Variants in KIAA1217 observed in about 807,000 individuals in gnomAD.
KIAA1217 encodes KIAA1217.
A neutral mutation model predicts 163.9 loss-of-function variants in KIAA1217; 88 were observed. The observed-to-expected ratio is 0.54, with a 90% confidence interval of 0.45 to 0.64. KIAA1217 has a LOEUF of 0.64. KIAA1217 is among the 30% of genes least tolerant of loss of function. The probability of loss-of-function intolerance (pLI) is 0.00; values close to 1 mark genes in which losing one functional copy is unlikely to be tolerated. For missense variants in KIAA1217, 2,372 were observed against 2,475.0 expected (o/e 0.96, Z 0.88); for synonymous variants, 903 against 923.1 (o/e 0.98, Z 0.39).
rs141462284 is a variant in KIAA1217 at position 24,416,198 on chromosome 10, G to A, written c.554-16797G>A. 7.2e-5 allele frequency among the ~76,000 whole-genome samples: 11 copies of A among 152,280 alleles called. No individual in the cohort carries two copies. The East Asian group carries it at 9.7e-4, about 13-fold the overall frequency. ...AACAGTAACAGGAAAACTTTAGAGCGTAAATGGTAACAAAAGTTGTTCCCC... is the reference window on the plus strand; with the variant it reads ...AACAGTAACAGGAAAACTTTAGAGCATAAATGGTAACAAAAGTTGTTCCCC... On this transcript the variant is annotated intron_variant, in intron 3 of 20. Coordinates refer to ENST00000376454, the MANE Select transcript of KIAA1217 (RefSeq NM_019590.5).
intron 2 of KIAA1217, among the ~76,000 whole-genome samples, chr10:24,123,374 C>T (rs900341295): frequency 9.9e-5 from 15 of 151,932 alleles, no homozygotes; most frequent in Non-Finnish European, 2.1e-4. Context: ...CATAAATAAT[C>T]CAAGGTTGAT....
intron 1 of KIAA1217, among the ~76,000 whole-genome samples, chr10:23,910,206 G>C (rs1450822690): frequency 6.6e-6 from 1 of 151,928 alleles, no homozygotes; most frequent in African/African-American, 2.4e-5. Flanking sequence ...TAGATGATGG[G>C]TTGATGGGTG....
At chr10:23,775,653 TAGTTG>T (rs1175119039) in intron 1 of KIAA1217, among the ~76,000 whole-genome samples, 1 of 152,254 alleles carries the variant, frequency 6.6e-6, no homozygotes, top group Non-Finnish European at 1.5e-5. Context: ...ATTGACTAAA[TAGTTG>T]AGTTAATTCA....
At chr10:24,355,418 C>A (rs571045955) in intron 2 of KIAA1217, among the ~76,000 whole-genome samples, 43 of 152,256 alleles carry the variant, frequency 2.8e-4, no homozygotes, top group African/African-American at 1.0e-3. Context: ...CTGGTGACAA[C>A]CCTCTTTCTA....
chr10:23,836,823 A>T (rs1838478243), intron 1 of KIAA1217, among the ~76,000 whole-genome samples: 1 of 151,696 alleles, frequency 6.6e-6, no homozygotes, highest in Non-Finnish European at 1.5e-5. Flanking sequence ...CCAGCTACTC[A>T]GGAGTCTGAG....
At chr10:23,961,838 GA>G (rs2131373966) in intron 1 of KIAA1217, among the ~76,000 whole-genome samples, 1 of 152,238 alleles carries the variant, frequency 6.6e-6, no homozygotes, top group South Asian at 2.1e-4. Flanking sequence ...ATCTATTCCA[GA>G]CCTCTCTCCT....
At chr10:23,978,231 A>G (rs1421136705) in intron 1 of KIAA1217, among the ~76,000 whole-genome samples, 3 of 152,266 alleles carry the variant, frequency 2.0e-5, no homozygotes, top group African/African-American at 7.2e-5. Context: ...AGATTCTGCA[A>G]ACTCTCCATG....
At chr10:24,347,220 C>G (rs2047901882) in intron 2 of KIAA1217, among the ~76,000 whole-genome samples, 1 of 152,140 alleles carries the variant, frequency 6.6e-6, no homozygotes, top group Admixed American at 6.5e-5. Flanking sequence ...TACCCAGCAC[C>G]ATGAAAAGTG....
At chr10:24,512,752 C>T (rs1356262352) in intron 9 of KIAA1217, among the ~76,000 whole-genome samples, 1 of 152,180 alleles carries the variant, frequency 6.6e-6, no homozygotes, top group African/African-American at 2.4e-5. Context: ...GCCAAATCAC[C>T]ACGTGTTGAG....
intron 1 of KIAA1217, among the ~76,000 whole-genome samples, chr10:23,760,981 C>T (rs1373787155): frequency 1.3e-5 from 2 of 152,056 alleles, no homozygotes. Flanking sequence ...CTGGGCATGG[C>T]AGTGCAGGCC....
rs555708818 is a variant in KIAA1217 at position 23,698,732 on chromosome 10, A to T, written c.-321+3498A>T. Among the ~76,000 whole-genome samples, 94 of 152,270 alleles carry T rather than the reference A, an allele frequency of 6.2e-4. 3 individuals carry two copies. The South Asian group carries it at 0.015, about 25-fold the overall frequency. The stretch of plus-strand genomic sequence containing the variant: ...TGTCGACCGTAGGCTTAAGAGAAAA[A>T]TCACACATTCAGGATACCTAAATCC... On this transcript the variant is annotated intron_variant, in intron 1 of 18. Transcript: ENST00000376462.
chr10:24,188,902 G>A (rs536678194), intron 2 of KIAA1217, among the ~76,000 whole-genome samples: 65 of 152,100 alleles, frequency 4.3e-4, no homozygotes, highest in African/African-American at 1.5e-3. Context: ...TCAGGAGATC[G>A]AGACCATCCT....
chr10:24,235,084 T>C (rs922882102), intron 2 of KIAA1217, among the ~76,000 whole-genome samples: 3 of 152,196 alleles, frequency 2.0e-5, no homozygotes, highest in African/African-American at 4.8e-5. Context: ...TCCTTTTTCT[T>C]TGGGGGACCT....
Position 24,426,574 on chromosome 10 carries a change from G to A in KIAA1217, c.554-6421G>A, listed in dbSNP as rs1357475803. Among the ~76,000 whole-genome samples, 3 of 152,008 alleles carry A rather than the reference G, an allele frequency of 2.0e-5. No homozygotes were observed. The East Asian group carries it at 5.8e-4, about 29-fold the overall frequency. ...AGGAGGTGTGACGTTGCAGTGAGCC[G>A]AGATCGCACCATTGCACTCCAGCTT... On this transcript the variant is annotated intron_variant, in intron 3 of 20. Transcript: ENST00000376454.
At position 24,267,990 on chromosome 10, in the gene KIAA1217, T is replaced by G. The variant is rs145713041; in HGVS notation, c.354+48081T>G. ...TTCTGATGACCCTGTAATTGGCAGT[T>G]GTAACTGGCCCTTTAACTTTGTTTC... On this transcript the variant is annotated intron_variant, in intron 2 of 20. Coordinates refer to ENST00000376454, the MANE Select transcript of KIAA1217 (RefSeq NM_019590.5). Among the ~76,000 whole-genome samples the G allele has an allele frequency of 4.4e-3, 668 of 152,344 alleles. 6 individuals carry two copies. The highest frequency in any genetic ancestry group is 0.015 in the African/African-American group (638 of 41,598).
intron 2 of KIAA1217, among the ~76,000 whole-genome samples, chr10:24,122,761 C>T (rs1564727127): frequency 6.6e-6 from 1 of 151,868 alleles, no homozygotes; most frequent in African/African-American, 2.4e-5. Context: ...AAATATAATG[C>T]TTTTTTTGTT....
At chr10:23,900,248 C>A (rs552273905) in intron 1 of KIAA1217, among the ~76,000 whole-genome samples, 1 of 152,148 alleles carries the variant, frequency 6.6e-6, no homozygotes, top group South Asian at 2.1e-4. Context: ...TAAGGTGACC[C>A]GCCCACCTCA....
At chr10:24,048,272 C>T (rs1192069214) in intron 2 of KIAA1217, among the ~76,000 whole-genome samples, 1 of 152,242 alleles carries the variant, frequency 6.6e-6, no homozygotes, top group South Asian at 2.1e-4. Flanking sequence ...GCATAGCTTA[C>T]TCTGAGTAGC....
intron 1 of KIAA1217, among the ~76,000 whole-genome samples, chr10:23,784,506 T>C (rs560873274): frequency 1.3e-5 from 2 of 152,250 alleles, no homozygotes; most frequent in East Asian, 3.9e-4. Context: ...TTTTTTTTGT[T>C]TGTTTGTTTT....
Sources: gnomAD v4.1 joint callset for allele counts (sites outside exome capture counted in the v4.1 genomes callset) on GRCh38, gnomAD v4.1.1 for gene constraint, MANE v1.5 for transcripts, NCBI Gene and HGNC (gene_info 2026-07-23, HGNC 2026-07-21) for gene names.